NAV3: variants seen among roughly 807,000 people sequenced by gnomAD.
NAV3 encodes pore membrane and/or filament interacting like protein 1.
In NAV3, 87 loss-of-function variants were observed where a neutral mutation model predicts 244.7. That is an observed-to-expected ratio of 0.36 (90% CI 0.30 to 0.42). NAV3 has a LOEUF of 0.42. NAV3 is among the 20% of genes least tolerant of loss of function. The probability of loss-of-function intolerance (pLI) is 1.00; values close to 1 mark genes in which losing one functional copy is unlikely to be tolerated. For synonymous variants in NAV3, 1,126 were observed against 1,042.2 expected (o/e 1.08, Z -1.55); for missense variants, 2,663 against 2,893.3 (o/e 0.92, Z 1.83).
At position 78,137,227 on chromosome 12, in the gene NAV3, C is replaced by T. The variant is rs770042276; in HGVS notation, c.4492C>T (p.Arg1498Cys). Reference protein sequence around the residue: ...QFNLPGPSMMRSNSIPAQDSS... With the variant: ...QFNLPGPSMMCSNSIPAQDSS... ...TAACCTTCCCGGGCCCAGCATGATG[C>T]GCTCAAACAGCATCCCAGCCCAAGA... is the stretch of plus-strand genomic sequence containing the variant. The change falls in exon 19 of 40, where the codon CGC becomes TGC. Residue 1498 changes from arginine (R) to cysteine (C), a missense_variant. Arg to Cys is a radical substitution (Grantham distance 180). This residue lies in a region of NAV3 where 354 missense variants were observed against 413.0 expected (regional missense o/e 0.86). Coordinates refer to ENST00000397909, the MANE Select transcript of NAV3 (RefSeq NM_001024383.2). 6.2e-6 allele frequency: 10 copies of T among 1,613,214 alleles called. No homozygotes were observed. The South Asian group carries it at 7.7e-5, about 12-fold the overall frequency.
intron 8 of NAV3, among the ~76,000 whole-genome samples, chr12:78,018,070 C>G (rs1876532413): frequency 6.6e-6 from 1 of 152,112 alleles, no homozygotes; most frequent in Non-Finnish European, 1.5e-5. Flanking sequence ...TCACCATGTT[C>G]CTTTCTTTCA....
At chr12:78,204,208 G>A (rs1449606106) in intron 38 of NAV3, among the ~76,000 whole-genome samples, 2 of 151,128 alleles carry the variant, frequency 1.3e-5, no homozygotes, top group African/African-American at 4.9e-5. Flanking sequence ...CTGTTGTGGG[G>A]TGGGGCGGAG....
At chr12:78,199,203 C>A (rs1336081398) in intron 36 of NAV3, 132 bp from the exon 37 acceptor site, 3 of 725,896 alleles carry the variant, frequency 4.1e-6, no homozygotes, top group African/African-American at 2.5e-5. Context: ...AAGGTGGCCA[C>A]CAATTGAAAT....
rs1488665869 is a variant in NAV3, at chr12:78,121,948, G to A, written c.3758G>A (p.Gly1253Asp). The part of the protein sequence containing the change: ...IASPTFRRLF[G>D]AKAGGKSASA... ...ATTTGTTTTTCTTTTAGGTTGTTTG[G>A]TGCCAAGGCAGGTGGCAAATCTGCC... The change falls in exon 16 of 40, where the codon GGT (glycine) becomes GAT (aspartate). Residue 1253 changes from glycine to aspartate, a missense_variant. Transcript: ENST00000397909. The A allele has an allele frequency of 6.2e-7, 1 of 1,613,598 alleles. No individual in the cohort carries two copies.
rs990603800 is a variant in NAV3 at position 77,848,581 on chromosome 12, T to C, written c.243+16877T>C. On this transcript the variant is annotated intron_variant, in intron 1 of 39. Coordinates refer to ENST00000397909, the MANE Select transcript of NAV3 (RefSeq NM_001024383.2). ...AAATAAATCAAAACCTTTTCTCTGC[T>C]GGATATAGTCAAGTTGGAGACACAC... is the stretch of plus-strand genomic sequence containing the variant. Among the ~76,000 whole-genome samples the C allele has an allele frequency of 3.3e-5, 5 of 152,364 alleles. No homozygotes were observed. In the South Asian group the frequency reaches 1.0e-3, roughly 32 times the overall value.
chr12:78,065,474 G>T (rs568673173), intron 12 of NAV3, among the ~76,000 whole-genome samples: 3 of 152,236 alleles, frequency 2.0e-5, no homozygotes, highest in South Asian at 2.1e-4. Context: ...TTGAAAGAGT[G>T]AATAAAGGAA....
At chr12:77,922,825 A>G (rs1410352228) in intron 1 of NAV3, among the ~76,000 whole-genome samples, 1 of 152,162 alleles carries the variant, frequency 6.6e-6, no homozygotes, top group African/African-American at 2.4e-5. Flanking sequence ...ATGCTTTGAA[A>G]TCAATTTTAA....
chr12:77,843,074 T>C (rs1174672619), intron 1 of NAV3, among the ~76,000 whole-genome samples: 2 of 152,184 alleles, frequency 1.3e-5, no homozygotes, highest in African/African-American at 2.4e-5. Flanking sequence ...GCCAGAACTT[T>C]TTATGTTATT....
chr12:77,772,788 G>C (rs138358270), intron 2 of NAV3, among the ~76,000 whole-genome samples: 1 of 152,092 alleles, frequency 6.6e-6, no homozygotes, highest in African/African-American at 2.4e-5. Flanking sequence ...TAGAATGACC[G>C]TCAATGGCCA....
chr12:77,580,210 T>A (rs531628855), intron 2 of NAV3, among the ~76,000 whole-genome samples: 6 of 136,124 alleles, frequency 4.4e-5, no homozygotes, highest in African/African-American at 1.6e-4. Flanking sequence ...TATTTGGGGG[T>A]AGGGTGGGAA....
intron 2 of NAV3, among the ~76,000 whole-genome samples, chr12:77,692,799 A>C (rs1875098730): frequency 6.6e-6 from 1 of 152,130 alleles, no homozygotes; most frequent in Non-Finnish European, 1.5e-5. Context: ...ATAAAGCTTA[A>C]TAGTCCATTG....
chr12:77,732,672 T>C lies in NAV3; in HGVS notation c.72+160406T>C, dbSNP rs555485580. 1.2e-4 allele frequency among the ~76,000 whole-genome samples: 18 copies of C among 152,126 alleles called. No homozygotes were observed. The South Asian group carries it at 3.3e-3, about 28-fold the overall frequency. On this transcript the variant is annotated intron_variant, in intron 2 of 8. Coordinates refer to the NAV3 transcript ENST00000550042. ...GTTTTCATTCCCATTTTGCAAATGG[T>C]AACAATGAGGCACATATAGTTTAAC...
intron 5 of NAV3, 80 bp from the exon 6 acceptor site, chr12:77,994,723 T>G: frequency 9.3e-7 from 1 of 1,077,752 alleles, no homozygotes; most frequent in African/African-American, 1.6e-5. Flanking sequence ...CATTAATTCA[T>G]AGTTTTCTTG....
intron 2 of NAV3, among the ~76,000 whole-genome samples, chr12:77,809,933 A>G (rs1872198679): frequency 2.0e-5 from 3 of 152,210 alleles, no homozygotes; most frequent in Admixed American, 2.0e-4. Flanking sequence ...TTGTTCCAGT[A>G]CAGAAAAAAA....
chr12:77,654,561 G>T (rs971182218), intron 2 of NAV3, among the ~76,000 whole-genome samples: 2 of 152,158 alleles, frequency 1.3e-5, no homozygotes, highest in Non-Finnish European at 2.9e-5. Context: ...AGTAACCTCT[G>T]CAGACTTAAA....
chr12:77,767,710 G>A (rs983515856), intron 2 of NAV3, among the ~76,000 whole-genome samples: 7 of 152,312 alleles, frequency 4.6e-5, no homozygotes, highest in South Asian at 2.1e-4. Context: ...ACACAGTGGC[G>A]CCCAGGAGCT....
intron 12 of NAV3, among the ~76,000 whole-genome samples, chr12:78,106,040 A>T (rs1299179348): frequency 6.6e-6 from 1 of 151,618 alleles, no homozygotes; most frequent in Non-Finnish European, 1.5e-5. Context: ...ATAGAGGAAA[A>T]AATATCTGTT....
Position 77,910,135 on chromosome 12 carries a change from G to A in NAV3, c.244-30184G>A, listed in dbSNP as rs1393361159. ...ATTTCATTTTACATTGTTATGAAGG[G>A]TTATTTGAGACCGGGTAATTTATAA... is the stretch of plus-strand genomic sequence containing the variant. On this transcript the variant is annotated intron_variant, in intron 1 of 39. Transcript: ENST00000397909. Among the ~76,000 whole-genome samples, 9 of 152,132 alleles carry A rather than the reference G, an allele frequency of 5.9e-5. No homozygotes were observed. The South Asian group carries it at 1.0e-3, about 18-fold the overall frequency.
intron 7 of NAV3, among the ~76,000 whole-genome samples, chr12:78,001,153 C>G (rs1007437164): frequency 2.0e-5 from 3 of 152,102 alleles, no homozygotes; most frequent in African/African-American, 7.2e-5. Context: ...GCATATATAA[C>G]TTGGGTGTGA....
Sources: allele counts gnomAD v4.1 joint callset (sites outside exome capture counted in the v4.1 genomes callset), GRCh38; gene constraint gnomAD v4.1.1; regional missense constraint gnomAD v4.1.1; transcripts MANE v1.5; gene names NCBI Gene and HGNC (gene_info 2026-07-23, HGNC 2026-07-21).